Variants in NPLOC4 observed in about 807,000 individuals in gnomAD.
The protein encoded by NPLOC4 is nuclear protein localization protein 4 homolog.
In NPLOC4, 18 loss-of-function variants were observed where a neutral mutation model predicts 80.6. That is an observed-to-expected ratio of 0.22 (90% CI 0.15 to 0.33). The LOEUF (loss-of-function observed/expected upper bound fraction) is 0.33. NPLOC4 is among the 10% of genes least tolerant of loss of function. The pLI is 1.00. For missense variants in NPLOC4, 540 were observed against 786.1 expected (o/e 0.69, Z 3.74); for synonymous variants, 313 against 301.5 (o/e 1.04, Z -0.39).
At chr17:81,609,390 C>T (rs891293247) in intron 5 of NPLOC4, among the ~76,000 whole-genome samples, 2 of 152,158 alleles carry the variant, frequency 1.3e-5, no homozygotes, top group African/African-American at 2.4e-5. Context: ...TCATGGCTCA[C>T]TGCAGCCTCG....
Position 81,603,014 on chromosome 17 carries a change from C to CACACACAT in NPLOC4, c.834+1533_834+1534insATGTGTGT, listed in dbSNP as rs386627318. ...ACACACACACACACACACACACACA[C>CACACACAT]ATATAAAAGTCAGACATGGTGGTGC... On this transcript the variant is annotated intron_variant, in intron 8 of 16. Coordinates refer to ENST00000331134, the MANE Select transcript of NPLOC4 (RefSeq NM_017921.4). Among the ~76,000 whole-genome samples, 875 of 141,048 alleles carry CACACACAT rather than the reference C, an allele frequency of 6.2e-3. 5 individuals are homozygous for CACACACAT. Among genetic ancestry groups the CACACACAT allele is most frequent in the Middle Eastern group, 0.015 (4 of 270 alleles). 92.5% of individuals were successfully genotyped at this position (141,048 alleles called of 152,430 possible). A position where few individuals can be genotyped will look rare whatever the true frequency, so the allele number is the denominator to read the frequency against.
chr17:81,575,629 T>G (rs190864950), intron 12 of NPLOC4, among the ~76,000 whole-genome samples: 1 of 152,294 alleles, frequency 6.6e-6, no homozygotes, highest in Admixed American at 6.5e-5. Context: ...TGGACAGCTG[T>G]GTAGAGACTG....
At chr17:81,563,709 G>GT (rs2033920840) in intron 16 of NPLOC4, 1 of 311,798 alleles carries the variant, frequency 3.2e-6, no homozygotes. Context: ...TGAGGCCAAA[G>GT]TTTGAGACCA....
chr17:81,604,258 CAG>C (rs2144214780), intron 8 of NPLOC4, among the ~76,000 whole-genome samples: 1 of 152,186 alleles, frequency 6.6e-6, no homozygotes, highest in African/African-American at 2.4e-5. Flanking sequence ...CTGGACACTA[CAG>C]AGTCAATGAG....
chr17:81,631,683 A>C (rs1264980070), intron 1 of NPLOC4, among the ~76,000 whole-genome samples: 2 of 152,080 alleles, frequency 1.3e-5, no homozygotes, highest in African/African-American at 2.4e-5. Context: ...GACGGGAAGG[A>C]AGGCAGACAG....
intron 4 of NPLOC4, among the ~76,000 whole-genome samples, chr17:81,611,136 A>G (rs2035328893): frequency 6.6e-6 from 1 of 151,972 alleles, no homozygotes; most frequent in South Asian, 2.1e-4. Context: ...CCTGGCCAAC[A>G]TGGTGAAACC....
rs1167463128 is a variant in NPLOC4 at position 81,594,026 on chromosome 17, C to A, written c.1120+2090G>T. ...CAGTGGCTCACGCCTGTAATCCCAG[C>A]ACCTTGGAAGGCCGAGGCGGGCGGA... On this transcript the variant is annotated intron_variant, in intron 11 of 16. Coordinates refer to ENST00000331134, the MANE Select transcript of NPLOC4 (RefSeq NM_017921.4). 2.0e-5 allele frequency among the ~76,000 whole-genome samples: 3 copies of A among 152,264 alleles called. No homozygotes were observed. In the East Asian group the frequency reaches 5.8e-4, roughly 29 times the overall value.
At chr17:81,635,940 T>C (rs535851946) in intron 1 of NPLOC4, among the ~76,000 whole-genome samples, 6 of 151,738 alleles carry the variant, frequency 4.0e-5, no homozygotes, top group African/African-American at 1.5e-4. Flanking sequence ...GATTTGTCAC[T>C]GATATTTTTT....
intron 1 of NPLOC4, among the ~76,000 whole-genome samples, chr17:81,631,890 CTT>C (rs1293939856): frequency 4.6e-5 from 7 of 151,968 alleles, no homozygotes; most frequent in Non-Finnish European, 8.8e-5. Context: ...ACCTCTGCCT[CTT>C]GAGTTCAAGT....
At chr17:81,624,292 CTTG>C (rs2035741588) in intron 2 of NPLOC4, among the ~76,000 whole-genome samples, 1 of 152,186 alleles carries the variant, frequency 6.6e-6, no homozygotes, top group Non-Finnish European at 1.5e-5. Flanking sequence ...GTGGCGGACA[CTTG>C]TTATCCCAGC....
At chr17:81,629,869 C>T (rs939741572) in intron 1 of NPLOC4, 64 bp from the exon 2 acceptor site, 1 of 1,212,038 alleles carries the variant, frequency 8.3e-7, no homozygotes, top group East Asian at 2.4e-5. Context: ...AATACTACGG[C>T]TTCCATCTGT....
chr17:81,600,692 G>A (rs917919983), intron 8 of NPLOC4, among the ~76,000 whole-genome samples: 1 of 152,110 alleles, frequency 6.6e-6, no homozygotes, highest in Admixed American at 6.5e-5. Flanking sequence ...TGCATCAGGA[G>A]CACTCAGGAC....
rs898037527 is a variant in NPLOC4, at chr17:81,558,941, C to T, written c.*318G>A. The T allele has an allele frequency of 8.0e-6, 2 of 250,536 alleles. No individual in the cohort carries two copies. Among genetic ancestry groups the T allele is most frequent in the South Asian group, 1.2e-4 (1 of 8,240 alleles). The allele number at this position is 250,536 out of a possible 1,614,324, so 15.5% of individuals were successfully genotyped here. A position where few individuals can be genotyped will look rare whatever the true frequency, so the allele number is the denominator to read the frequency against. ...AGCATCGGCCCCTCCCTGTGCGCCC[C>T]AATTCCAGGTGCCACGTAGAGGCGA... On this transcript the variant is annotated 3_prime_UTR_variant, in exon 17 of 17. Coordinates refer to ENST00000331134, the MANE Select transcript of NPLOC4 (RefSeq NM_017921.4).
chr17:81,600,605 C>T (rs1041767798), intron 8 of NPLOC4, among the ~76,000 whole-genome samples, 178 bp from the exon 9 acceptor site: 19 of 152,104 alleles, frequency 1.2e-4, no homozygotes, highest in Non-Finnish European at 2.6e-4. Context: ...CTCTCCTTCT[C>T]GGGTTGTGCT....
At chr17:81,617,148 T>C (rs2035516207) in intron 3 of NPLOC4, among the ~76,000 whole-genome samples, 1 of 152,316 alleles carries the variant, frequency 6.6e-6, no homozygotes, top group Admixed American at 6.5e-5. Context: ...CCCAGTGGTC[T>C]TCACTGGAGG....
In NPLOC4 at chr17:81,572,191, T is replaced by A. The variant is rs137975292; in HGVS notation, c.1282-103A>T. ...CTTTTATTTAATTAATTAATTTATTTATTTATTTATTTTTTGAGACAGAGT... is the reference window on the plus strand; with the variant it reads ...CTTTTATTTAATTAATTAATTTATTAATTTATTTATTTTTTGAGACAGAGT... On this transcript the variant is annotated intron_variant, in intron 12 of 16. Transcript: ENST00000331134. The surrounding 1 kb of genome is among the most constrained non-coding windows in gnomAD (Gnocchi z 4.5). 3.8e-3 allele frequency: 2,010 copies of A among 530,722 alleles called. 13 individuals are homozygous for A. Among genetic ancestry groups the A allele is most frequent in the African/African-American group, 0.02 (985 of 49,868 alleles). The allele number at this position is 530,722 out of a possible 1,614,324, so 32.9% of individuals were successfully genotyped here. A position where few individuals can be genotyped will look rare whatever the true frequency, so the allele number is the denominator to read the frequency against.
chr17:81,593,187 G>A (rs962188016), intron 11 of NPLOC4, among the ~76,000 whole-genome samples: 2 of 152,004 alleles, frequency 1.3e-5, no homozygotes, highest in Non-Finnish European at 2.9e-5. Context: ...AAACAGACAG[G>A]CACAGTTGTA....
At chr17:81,588,003 A>G (rs2144134700) in intron 12 of NPLOC4, 1 of 152,238 alleles carries the variant, frequency 6.6e-6, no homozygotes, top group African/African-American at 2.4e-5. Flanking sequence ...TGTATCCCCT[A>G]TGTTCAAAGA....
intron 2 of NPLOC4, 42 bp downstream of exon 2, chr17:81,629,683 G>C: frequency 7.2e-7 from 1 of 1,382,750 alleles, no homozygotes; most frequent in South Asian, 1.2e-5. Flanking sequence ...AAGAGTAGAG[G>C]ATGAAAAATA....
Sources: allele counts gnomAD v4.1 joint callset (sites outside exome capture counted in the v4.1 genomes callset), GRCh38; gene constraint gnomAD v4.1.1; non-coding constraint Gnocchi (gnomAD v3.1); transcripts MANE v1.5; gene names NCBI Gene and HGNC (gene_info 2026-07-23, HGNC 2026-07-21).